The following SUPT3H variants were observed in gnomAD, a reference collection of about 807,000 sequenced individuals.
SUPT3H encodes the protein SPT3 homolog, SAGA and STAGA complex component.
In SUPT3H, 44 loss-of-function variants were observed where a neutral mutation model predicts 44.3. That is an observed-to-expected ratio of 0.99 (90% confidence interval 0.78 to 1.28). SUPT3H has a LOEUF of 1.28. Ranked by LOEUF, SUPT3H falls within the 50% of genes most tolerant of loss-of-function variation. SUPT3H has a pLI of 0.00. For synonymous variants in SUPT3H, 124 were observed against 125.6 expected, an observed-to-expected ratio of 0.99 and a Z score of 0.09; for missense variants, 380 against 387.1, an observed-to-expected ratio of 0.98 and a Z score of 0.15.
chr6:45,259,090 T>C (rs1405660040), intron 2 of SUPT3H, among the ~76,000 whole-genome samples: 1 of 152,180 alleles, frequency 6.6e-6, no homozygotes, highest in Non-Finnish European at 1.5e-5. Flanking sequence ...TATAATTTTA[T>C]ACTTGTAAAT....
chr6:45,000,997 A>G (rs1470379391), intron 6 of SUPT3H, among the ~76,000 whole-genome samples: 1 of 152,114 alleles, frequency 6.6e-6, no homozygotes, highest in African/African-American at 2.4e-5. Flanking sequence ...GTTCCTCTAC[A>G]AGCAGCAAAG....
At chr6:45,196,917 C>T (rs186786497) in intron 2 of SUPT3H, among the ~76,000 whole-genome samples, 5 of 151,156 alleles carry the variant, frequency 3.3e-5, no homozygotes, top group East Asian at 3.9e-4. Flanking sequence ...TTATAAAATA[C>T]GTAAAAAGCC....
intron 3 of SUPT3H, among the ~76,000 whole-genome samples, chr6:45,021,837 C>G (rs988196489): frequency 1.3e-5 from 2 of 151,942 alleles, no homozygotes; most frequent in African/African-American, 4.8e-5. Context: ...AGCTTTACCA[C>G]TGAATTTCCT....
At chr6:45,288,390 C>CA (rs1303532532) in intron 2 of SUPT3H, among the ~76,000 whole-genome samples, 5 of 151,536 alleles carry the variant, frequency 3.3e-5, no homozygotes, top group East Asian at 3.9e-4. Context: ...TTCTTTAACA[C>CA]AAAAAAATCA....
At chr6:44,975,726 G>C (rs1778237150) in intron 6 of SUPT3H, among the ~76,000 whole-genome samples, 1 of 151,668 alleles carries the variant, frequency 6.6e-6, no homozygotes, top group Non-Finnish European at 1.5e-5. Flanking sequence ...ACACTATTGG[G>C]AAAAAAATTG....
At chr6:45,372,836 G>C (rs546363732) in intron 1 of SUPT3H, among the ~76,000 whole-genome samples, 1 of 151,452 alleles carries the variant, frequency 6.6e-6, no homozygotes, top group South Asian at 2.1e-4. Context: ...ATTTTTTTTT[G>C]AGATGGAGTT....
intron 2 of SUPT3H, among the ~76,000 whole-genome samples, chr6:45,148,077 T>C (rs1413766378): frequency 1.3e-5 from 2 of 152,150 alleles, no homozygotes; most frequent in African/African-American, 4.8e-5. Context: ...AGATTTAAAT[T>C]ATCTACAATA....
At chr6:45,238,375 T>A (rs973546261) in intron 2 of SUPT3H, among the ~76,000 whole-genome samples, 22 of 152,186 alleles carry the variant, frequency 1.4e-4, no homozygotes, top group Non-Finnish European at 2.8e-4. Flanking sequence ...AAACACTGAA[T>A]GACTTTCAAA....
At chr6:45,032,174 CCA>C (rs1787040066) in intron 3 of SUPT3H, among the ~76,000 whole-genome samples, 1 of 152,038 alleles carries the variant, frequency 6.6e-6, no homozygotes, top group Admixed American at 6.6e-5. Flanking sequence ...AATTCTGTAT[CCA>C]AAGATTGCTT....
chr6:45,075,232 G>A (rs35134594), intron 3 of SUPT3H, among the ~76,000 whole-genome samples: 19,590 of 151,974 alleles, frequency 0.13, 1,531 homozygotes, highest in East Asian at 0.26. Flanking sequence ...TTCCACTTAT[G>A]TGCTTGTACA....
At chr6:45,045,269 G>A (rs763835187) in intron 3 of SUPT3H, among the ~76,000 whole-genome samples, 9 of 152,068 alleles carry the variant, frequency 5.9e-5, no homozygotes, top group Admixed American at 2.0e-4. Flanking sequence ...GAGAACTACC[G>A]TTATAAGAAA....
chr6:45,294,178 A>T (rs1191371980), intron 2 of SUPT3H, among the ~76,000 whole-genome samples: 2 of 152,240 alleles, frequency 1.3e-5, no homozygotes, highest in Admixed American at 1.3e-4. Flanking sequence ...GGGATGGTTT[A>T]ACATACACAA....
At chr6:45,348,094 G>C (rs1791259128) in intron 2 of SUPT3H, among the ~76,000 whole-genome samples, 1 of 151,920 alleles carries the variant, frequency 6.6e-6, no homozygotes, top group East Asian at 1.9e-4. Flanking sequence ...CTAGCTTATA[G>C]TTTTTACGTT....
chr6:44,926,313 A>G (rs1248151923), intron 10 of SUPT3H, among the ~76,000 whole-genome samples: 1 of 152,100 alleles, frequency 6.6e-6, no homozygotes, highest in East Asian at 1.9e-4. Context: ...ACAACGGAAT[A>G]TTATAGAGGA....
At chr6:44,818,486 T>A (rs1767057387) in intron 11 of SUPT3H, among the ~76,000 whole-genome samples, 1 of 152,112 alleles carries the variant, frequency 6.6e-6, no homozygotes, top group African/African-American at 2.4e-5. Flanking sequence ...TATTCAAAAT[T>A]AAAAATATCA....
intron 6 of SUPT3H, among the ~76,000 whole-genome samples, chr6:44,980,838 A>G (rs971196201): frequency 1.3e-5 from 2 of 152,196 alleles, no homozygotes; most frequent in African/African-American, 4.8e-5. Flanking sequence ...GTACTTTCAG[A>G]GGATAAGGAG....
At chr6:45,232,920 C>G (rs535947151) in intron 2 of SUPT3H, among the ~76,000 whole-genome samples, 13 of 152,224 alleles carry the variant, frequency 8.5e-5, no homozygotes, top group Non-Finnish European at 1.9e-4. Flanking sequence ...AGTGGCTGGG[C>G]CTACAGAAGC....
intron 2 of SUPT3H, among the ~76,000 whole-genome samples, chr6:45,350,301 T>C (rs921111174): frequency 6.6e-6 from 1 of 152,222 alleles, no homozygotes; most frequent in Non-Finnish European, 1.5e-5. Context: ...TTGTATATAA[T>C]AATCTTCTAG....
intron 6 of SUPT3H, among the ~76,000 whole-genome samples, chr6:44,968,915 A>G (rs1777159091): frequency 6.6e-6 from 1 of 152,084 alleles, no homozygotes; most frequent in South Asian, 2.1e-4. Flanking sequence ...AACCAAATTT[A>G]TTCTTTGTTT....
Sources: allele counts gnomAD v4.1 joint callset (sites outside exome capture counted in the v4.1 genomes callset), GRCh38; gene constraint gnomAD v4.1.1; transcripts MANE v1.5; gene names NCBI Gene and HGNC (gene_info 2026-07-23, HGNC 2026-07-21).